Variants in SORBS2 observed in about 807,000 individuals in gnomAD.
The protein encoded by SORBS2 is sorbin and SH3 domain containing 2.
A neutral mutation model predicts 97.7 loss-of-function variants in SORBS2; 46 were observed. The observed-to-expected ratio is 0.47, with a 90% CI of 0.37 to 0.60. The LOEUF (loss-of-function observed/expected upper bound fraction) is 0.60. Ranked by LOEUF, SORBS2 falls within the 20% of genes least tolerant of loss-of-function variation. The pLI, the probability that SORBS2 is intolerant of heterozygous loss-of-function variation, is 0.00. For synonymous variants in SORBS2, 476 were observed against 473.4 expected (o/e 1.01, Z -0.07); for missense variants, 1,316 against 1,282.3 (o/e 1.03, Z -0.40).
chr4:185,756,087 T>G (rs1007613873), intron 2 of SORBS2, among the ~76,000 whole-genome samples: 4 of 152,194 alleles, frequency 2.6e-5, no homozygotes, highest in Non-Finnish European at 5.9e-5. Context: ...TGATCTGGAC[T>G]GGTGGTTGGC....
chr4:185,901,167 A>C (rs1260869101), intron 1 of SORBS2, among the ~76,000 whole-genome samples: 1 of 151,504 alleles, frequency 6.6e-6, no homozygotes, highest in Non-Finnish European at 1.5e-5. Flanking sequence ...TCCAAATTTG[A>C]TTTTTCTCCT....
Position 185,623,889 on chromosome 4 carries a change from T to C in SORBS2, c.1240A>G (p.Ile414Val). ...TGGATCAGCTTTTCGAATTCGGAGA[T>C]GCGTGTGGGCACCATGTCCCGGGGC... Residue 414 changes from isoleucine to valine, a missense_variant, in exon 7 of 15, where the codon ATC (isoleucine) becomes GTC (valine). Coordinates refer to ENST00000418609, the Ensembl canonical transcript of SORBS2. The surrounding 1 kb of genome is among the most constrained non-coding windows in gnomAD (Gnocchi z 6.4). 1 of 1,614,162 alleles carries C rather than the reference T, an allele frequency of 6.2e-7. No homozygotes were observed. The highest frequency in any genetic ancestry group is 8.5e-7 in the Non-Finnish European group (1 of 1,180,030).
chr4:185,864,683 G>T (rs2099225785), intron 1 of SORBS2, among the ~76,000 whole-genome samples: 1 of 152,204 alleles, frequency 6.6e-6, no homozygotes, highest in African/African-American at 2.4e-5. Flanking sequence ...GGCCAAGGCA[G>T]TCAGATTGCT....
intron 1 of SORBS2, among the ~76,000 whole-genome samples, chr4:185,916,143 A>C (rs2099258038): frequency 6.6e-6 from 1 of 152,204 alleles, no homozygotes; most frequent in Non-Finnish European, 1.5e-5. Context: ...CTCAGGGTGC[A>C]GTATGAGTCA....
chr4:185,793,326 G>T (rs2099089835), intron 1 of SORBS2, among the ~76,000 whole-genome samples: 1 of 152,214 alleles, frequency 6.6e-6, no homozygotes, highest in Non-Finnish European at 1.5e-5. Flanking sequence ...AAGGTCTTTA[G>T]AAAACAGTGA....
chr4:185,879,176 C>G (rs868145757), intron 1 of SORBS2, among the ~76,000 whole-genome samples: 2 of 85,188 alleles, frequency 2.3e-5, no homozygotes, highest in Non-Finnish European at 4.7e-5. Context: ...CCCCCCCCCC[C>G]ACCCCACGAC....
intron 1 of SORBS2, among the ~76,000 whole-genome samples, chr4:185,913,706 T>C (rs997610151): frequency 3.3e-5 from 5 of 152,160 alleles, no homozygotes; most frequent in Non-Finnish European, 5.9e-5. Context: ...ATGTCTCTCT[T>C]TGAGATTTTA....
At chr4:185,631,496 C>T (rs530235263) in intron 4 of SORBS2, among the ~76,000 whole-genome samples, 2 of 152,336 alleles carry the variant, frequency 1.3e-5, no homozygotes, top group African/African-American at 2.4e-5. Flanking sequence ...GGTGCAGTGG[C>T]TCATGCCTGT....
chr4:185,797,088 G>A (rs139235120), intron 1 of SORBS2, among the ~76,000 whole-genome samples: 56 of 152,326 alleles, frequency 3.7e-4, no homozygotes, highest in African/African-American at 1.1e-3. Context: ...CACAAGCCAC[G>A]GGTACCCCCA....
intron 1 of SORBS2, among the ~76,000 whole-genome samples, chr4:185,801,385 A>G (rs918294895): frequency 2.0e-5 from 3 of 152,196 alleles, no homozygotes; most frequent in African/African-American, 7.2e-5. Flanking sequence ...ATTTTTGAGG[A>G]AACTCTGCAC....
At chr4:185,639,279 C>A (rs1292630842) in intron 4 of SORBS2, among the ~76,000 whole-genome samples, 1 of 152,182 alleles carries the variant, frequency 6.6e-6, no homozygotes, top group Non-Finnish European at 1.5e-5. Context: ...AGAAGGGGAT[C>A]TGGTTCTTCA....
chr4:185,677,194 G>A (rs184893293), intron 4 of SORBS2: 99 of 1,551,640 alleles, frequency 6.4e-5, no homozygotes, highest in Non-Finnish European at 8.0e-5. Context: ...GTCAGTGAGC[G>A]GGGCCTTTTG....
chr4:185,662,276 G>C (rs1422430977), intron 4 of SORBS2, 34 bp from the exon 8 acceptor site: 1 of 1,564,662 alleles, frequency 6.4e-7, no homozygotes, highest in South Asian at 1.2e-5. Context: ...AGTTAAATTA[G>C]CACATAGTTC....
At chr4:185,589,570 G>T (rs1194441599) in intron 14 of SORBS2, 109 bp downstream of exon 26, 28 of 720,630 alleles carry the variant, frequency 3.9e-5, no homozygotes, top group Non-Finnish European at 6.1e-5. Flanking sequence ...AAAGATCAAA[G>T]GCATTACGAA....
At chr4:185,942,286 G>T (rs1313983604) in intron 1 of SORBS2, among the ~76,000 whole-genome samples, 1 of 152,094 alleles carries the variant, frequency 6.6e-6, no homozygotes, top group Non-Finnish European at 1.5e-5. Context: ...ACTTAGGAAA[G>T]CACTTTTTGC....
At chr4:185,624,246 C>G (rs1210539275) in exon 7 of SORBS2, 2 of 1,614,146 alleles carry the variant, frequency 1.2e-6, no homozygotes, top group East Asian at 2.2e-5. Flanking sequence ...CTATCGCAGT[C>G]GTCGTTTAGG....
rs531152233 is a variant in SORBS2 at position 185,940,956 on chromosome 4, T to C, written c.-338+15240A>G. Among the ~76,000 whole-genome samples the C allele has an allele frequency of 2.0e-5, 3 of 152,156 alleles. No individual in the cohort carries two copies. In the South Asian group the frequency reaches 6.2e-4, roughly 32 times the overall value. ...CATTTTTGGTGGTCGTTACTGGGAG[T>C]TGCTACTGGCATCTAGTGAGTAGAG... On this transcript the variant is annotated intron_variant, in intron 1 of 20. Coordinates refer to the SORBS2 transcript ENST00000284776.
At chr4:185,803,851 T>A (rs1039400484) in intron 1 of SORBS2, among the ~76,000 whole-genome samples, 4 of 152,230 alleles carry the variant, frequency 2.6e-5, no homozygotes, top group Non-Finnish European at 5.9e-5. Context: ...TCATCTGAGT[T>A]ACTGCCCTAA....
intron 4 of SORBS2, among the ~76,000 whole-genome samples, chr4:185,636,000 A>C (rs2096992183): frequency 6.6e-6 from 1 of 152,168 alleles, no homozygotes; most frequent in African/African-American, 2.4e-5. Context: ...CTGGGATTAC[A>C]GGCGTACGCC....
Sources: allele counts gnomAD v4.1 joint callset (sites outside exome capture counted in the v4.1 genomes callset), GRCh38; gene constraint gnomAD v4.1.1; non-coding constraint Gnocchi (gnomAD v3.1); transcripts MANE v1.5; gene names NCBI Gene and HGNC (gene_info 2026-07-23, HGNC 2026-07-21).